TENM4: variants seen among roughly 807,000 people sequenced by gnomAD.
TENM4 encodes teneurin-4.
In TENM4, 82 loss-of-function variants were observed where a neutral mutation model predicts 243.3. The ratio of observed to expected loss-of-function variants is 0.34; its 90% CI spans 0.28 to 0.40. The LOEUF (loss-of-function observed/expected upper bound fraction) is 0.40. TENM4 is among the 10% of genes least tolerant of loss of function. The pLI is 1.00. For synonymous variants in TENM4, 1,412 were observed against 1,456.3 expected (o/e 0.97, Z 0.69); for missense variants, 3,138 against 3,673.3 (o/e 0.85, Z 3.77).
chr11:79,002,478 A>G (rs1159144091), intron 6 of TENM4, among the ~76,000 whole-genome samples: 1 of 152,194 alleles, frequency 6.6e-6, no homozygotes, highest in East Asian at 1.9e-4. Context: ...CTCTAGAACA[A>G]AGGCAGGGGC....
intron 9 of TENM4, among the ~76,000 whole-genome samples, chr11:78,866,483 G>A (rs374367389): frequency 6.6e-4 from 99 of 148,942 alleles, no homozygotes; most frequent in African/African-American, 2.3e-3. Flanking sequence ...AAAAAGATAC[G>A]TTGTGGGTAG....
intron 1 of TENM4, among the ~76,000 whole-genome samples, chr11:79,305,192 T>G (rs1856606802): frequency 6.6e-6 from 1 of 152,218 alleles, no homozygotes; most frequent in Non-Finnish European, 1.5e-5. Context: ...CTCTGGCTTA[T>G]GTAAGTTGTG....
chr11:78,788,953 CT>C (rs1352251172), intron 15 of TENM4, among the ~76,000 whole-genome samples: 12 of 152,284 alleles, frequency 7.9e-5, no homozygotes, highest in African/African-American at 2.6e-4. Flanking sequence ...ACCCCCTCCT[CT>C]GAGAAATCTC....
At chr11:78,952,199 C>T (rs1404904577) in intron 6 of TENM4, among the ~76,000 whole-genome samples, 1 of 152,218 alleles carries the variant, frequency 6.6e-6, no homozygotes, top group Non-Finnish European at 1.5e-5. Context: ...CATTTTTCCT[C>T]CATATCACTC....
At chr11:78,660,634 C>T (rs189005034) in intron 33 of TENM4, among the ~76,000 whole-genome samples, 6 of 152,296 alleles carry the variant, frequency 3.9e-5, no homozygotes, top group Admixed American at 3.9e-4. Flanking sequence ...CCTCCTTAGT[C>T]TGTCATCCCC....
chr11:79,162,013 C>T (rs997975246), intron 3 of TENM4, among the ~76,000 whole-genome samples: 71 of 152,278 alleles, frequency 4.7e-4, no homozygotes, highest in Admixed American at 4.6e-3. Flanking sequence ...GAGAAGGAAC[C>T]GGACCTGCCT....
intron 1 of TENM4, among the ~76,000 whole-genome samples, chr11:79,404,933 T>C (rs979424803): frequency 3.9e-5 from 6 of 152,136 alleles, no homozygotes; most frequent in Non-Finnish European, 8.8e-5. Context: ...TGTCCTCTTG[T>C]TCCTGAACCT....
intron 1 of TENM4, among the ~76,000 whole-genome samples, chr11:79,370,836 A>C (rs1445016739): frequency 6.7e-6 from 1 of 149,884 alleles, no homozygotes; most frequent in African/African-American, 2.4e-5. Context: ...TCCCAGAATT[A>C]ACGTTTTTGC....
intron 32 of TENM4, among the ~76,000 whole-genome samples, chr11:78,668,565 A>T (rs1858221387): frequency 6.6e-6 from 1 of 152,168 alleles, no homozygotes; most frequent in South Asian, 2.1e-4. Flanking sequence ...AATCCATGGG[A>T]TGTATCCCAT....
chr11:79,049,908 C>T (rs931543748), intron 6 of TENM4, among the ~76,000 whole-genome samples: 7 of 152,208 alleles, frequency 4.6e-5, no homozygotes, highest in Non-Finnish European at 5.9e-5. Flanking sequence ...CGGCTTCCTC[C>T]GAACTTTGTC....
chr11:79,176,641 CA>C (rs1447821301), intron 3 of TENM4, among the ~76,000 whole-genome samples: 1 of 152,100 alleles, frequency 6.6e-6, no homozygotes, highest in African/African-American at 2.4e-5. Flanking sequence ...CCTCCTTTTC[CA>C]AAGGACTCAG....
At chr11:79,210,559 G>A (rs1190252536) in intron 3 of TENM4, among the ~76,000 whole-genome samples, 3 of 152,198 alleles carry the variant, frequency 2.0e-5, no homozygotes, top group South Asian at 2.1e-4. Context: ...TGGGAAAAGC[G>A]GTCATGGGCC....
At chr11:78,764,386 C>T (rs1438408927) in intron 18 of TENM4, among the ~76,000 whole-genome samples, 2 of 152,242 alleles carry the variant, frequency 1.3e-5, no homozygotes, top group East Asian at 1.9e-4. Context: ...TACAGCAATG[C>T]TCTGGATTTT....
intron 15 of TENM4, among the ~76,000 whole-genome samples, chr11:78,804,539 A>C (rs1196508398): frequency 6.6e-6 from 1 of 152,166 alleles, no homozygotes; most frequent in Non-Finnish European, 1.5e-5. Flanking sequence ...GTATGTTCCC[A>C]TTTAATCTTC....
intron 2 of TENM4, among the ~76,000 whole-genome samples, chr11:79,234,403 T>C (rs1188811883): frequency 2.0e-5 from 3 of 152,226 alleles, no homozygotes; most frequent in Non-Finnish European, 2.9e-5. Flanking sequence ...TATAGGCATG[T>C]GCATCTTATG....
intron 6 of TENM4, among the ~76,000 whole-genome samples, chr11:79,016,920 T>C (rs1008952698): frequency 1.3e-5 from 2 of 152,208 alleles, no homozygotes; most frequent in Non-Finnish European, 2.9e-5. Context: ...TGACTTTTTG[T>C]ATGTTACTTT....
intron 6 of TENM4, among the ~76,000 whole-genome samples, chr11:78,994,324 C>T (rs1322866995): frequency 6.6e-6 from 1 of 150,936 alleles, no homozygotes; most frequent in African/African-American, 2.5e-5. Flanking sequence ...ATATGTGAAG[C>T]TTGGCATTTA....
intron 17 of TENM4, among the ~76,000 whole-genome samples, chr11:78,772,273 G>T (rs1474204863): frequency 6.6e-6 from 1 of 152,102 alleles, no homozygotes; most frequent in East Asian, 1.9e-4. Flanking sequence ...CTACGTTTGA[G>T]AATATGTTAA....
intron 1 of TENM4, among the ~76,000 whole-genome samples, chr11:79,372,705 A>G (rs953405504): frequency 4.6e-5 from 7 of 152,142 alleles, no homozygotes; most frequent in Admixed American, 2.6e-4. Flanking sequence ...GGAGGGGGGA[A>G]TCTTGTTTGG....
Sources: allele counts gnomAD v4.1 joint callset (sites outside exome capture counted in the v4.1 genomes callset), GRCh38; gene constraint gnomAD v4.1.1; transcripts MANE v1.5; gene names NCBI Gene and HGNC (gene_info 2026-07-23, HGNC 2026-07-21).